The following GAREM1 variants were observed in gnomAD, a reference collection of about 807,000 sequenced individuals.
GAREM1 encodes GRB2 associated regulator of MAPK1 subtype 1.
A neutral mutation model predicts 71.3 loss-of-function variants in GAREM1; 26 were observed. The observed-to-expected ratio is 0.36, with a 90% CI of 0.27 to 0.51. The LOEUF (loss-of-function observed/expected upper bound fraction) is 0.51. Ranked by LOEUF, GAREM1 falls within the 20% of genes least tolerant of loss-of-function variation. The pLI, the probability that GAREM1 is intolerant of heterozygous loss-of-function variation, is 0.95. For synonymous variants in GAREM1, 440 were observed against 433.2 expected (o/e 1.02, Z -0.20); for missense variants, 1,026 against 1,103.1 (o/e 0.93, Z 0.99).
At chr18:32,296,844 G>A (rs2047146010) in intron 3 of GAREM1, among the ~76,000 whole-genome samples, 1 of 151,566 alleles carries the variant, frequency 6.6e-6, no homozygotes, top group Non-Finnish European at 1.5e-5. Flanking sequence ...TCTGGGTCCT[G>A]GTTTCAGTTA....
chr18:32,333,593 G>A (rs2047557981), intron 2 of GAREM1, among the ~76,000 whole-genome samples: 2 of 152,168 alleles, frequency 1.3e-5, no homozygotes, highest in Non-Finnish European at 2.9e-5. Context: ...TCCTGAGCCA[G>A]TATACAAACT....
At position 32,303,189 on chromosome 18, in the gene GAREM1, G is replaced by C. The variant is rs142414095; in HGVS notation, c.393+7004C>G. Among the ~76,000 whole-genome samples, 30 of 152,310 alleles carry C rather than the reference G, an allele frequency of 2.0e-4. No homozygotes were observed. In the Middle Eastern group the frequency reaches 0.01, roughly 52 times the overall value. On this transcript the variant is annotated intron_variant, in intron 3 of 5. Coordinates refer to ENST00000269209, the MANE Select transcript of GAREM1 (RefSeq NM_001242409.2). ...CTGAAAGTATGGATCTCACTAACTA[G>C]TTGGAGCTAAAATAGTAACATTATA...
chr18:32,467,938 A>G (rs1226808575), intron 1 of GAREM1, among the ~76,000 whole-genome samples: 2 of 152,198 alleles, frequency 1.3e-5, no homozygotes, highest in Non-Finnish European at 1.5e-5. Flanking sequence ...ACATGCAAAG[A>G]ATCTATGATT....
At chr18:32,336,998 T>C (rs1279614212) in intron 2 of GAREM1, among the ~76,000 whole-genome samples, 1 of 152,232 alleles carries the variant, frequency 6.6e-6, no homozygotes, top group Non-Finnish European at 1.5e-5. Flanking sequence ...CTATACAGTC[T>C]AGGGGTCCTT....
At chr18:32,428,020 A>G (rs923246143) in intron 1 of GAREM1, among the ~76,000 whole-genome samples, 6 of 152,190 alleles carry the variant, frequency 3.9e-5, no homozygotes, top group African/African-American at 1.4e-4. Context: ...GTGGTAGATT[A>G]TGTAAGAGGA....
Position 32,267,777 on chromosome 18 carries a change from T to G in GAREM1, c.*94A>C, listed in dbSNP as rs2041394141. 1.0e-6 allele frequency: 1 copy of G among 1,001,978 alleles called. No individual in the cohort carries two copies. Among genetic ancestry groups the G allele is most frequent in the Admixed American group, 2.7e-5 (1 of 37,660 alleles). The allele number at this position is 1,001,978 out of a possible 1,614,324, so 62.1% of individuals were successfully genotyped here. A position where few individuals can be genotyped will look rare whatever the true frequency, so the allele number is the denominator to read the frequency against. ...CTCTTATCCCTATTTACAGAGAAGGTTTTTAGTGCAAAAACATGAAATTGT... is the reference window on the plus strand; with the variant it reads ...CTCTTATCCCTATTTACAGAGAAGGGTTTTAGTGCAAAAACATGAAATTGT... On this transcript the variant is annotated 3_prime_UTR_variant, in exon 6 of 6. Coordinates refer to ENST00000269209, the MANE Select transcript of GAREM1 (RefSeq NM_001242409.2).
intron 2 of GAREM1, among the ~76,000 whole-genome samples, chr18:32,332,409 C>T (rs1040808507): frequency 3.3e-5 from 5 of 151,848 alleles, no homozygotes; most frequent in African/African-American, 1.2e-4. Context: ...TGGAGATATA[C>T]ACTTTCTACA....
At chr18:32,412,328 G>C in intron 1 of GAREM1, 1 of 1,594,196 alleles carries the variant, frequency 6.3e-7, no homozygotes, top group Admixed American at 1.7e-5. Flanking sequence ...CAGAGTTTCT[G>C]CCTCCAAAAT....
chr18:32,300,906 CAAAAAAAAAA>C (rs764891353), intron 3 of GAREM1, among the ~76,000 whole-genome samples: 2 of 83,342 alleles, frequency 2.4e-5, no homozygotes, highest in South Asian at 4.8e-4. Context: ...AACTCCGTCT[CAAAAAAAAAA>C]AAAAAAAAAA....
chr18:32,435,311 T>C (rs1213555426), intron 1 of GAREM1, among the ~76,000 whole-genome samples: 4 of 152,138 alleles, frequency 2.6e-5, no homozygotes, highest in East Asian at 3.8e-4. Flanking sequence ...GTCAACAGTT[T>C]ACTTAGTACT....
intron 1 of GAREM1, among the ~76,000 whole-genome samples, chr18:32,448,715 C>T (rs1380463734): frequency 6.6e-6 from 1 of 152,206 alleles, no homozygotes. Flanking sequence ...GGGAACAAGT[C>T]TTTTACAAAC....
chr18:32,389,163 G>C (rs1022971436), intron 2 of GAREM1, among the ~76,000 whole-genome samples: 42 of 152,108 alleles, frequency 2.8e-4, no homozygotes, highest in African/African-American at 9.4e-4. Context: ...CTATACTACT[G>C]CAACTTCAAA....
chr18:32,448,872 T>C (rs962702047), intron 1 of GAREM1, among the ~76,000 whole-genome samples: 3 of 152,180 alleles, frequency 2.0e-5, no homozygotes, highest in Admixed American at 6.5e-5. Flanking sequence ...CAAGGTCCAG[T>C]TGAATTCTGC....
At chr18:32,284,732 T>C (rs998684663) in intron 4 of GAREM1, among the ~76,000 whole-genome samples, 1 of 151,726 alleles carries the variant, frequency 6.6e-6, no homozygotes, top group African/African-American at 2.4e-5. Context: ...GGAGTACTTG[T>C]TTGGAGGGGT....
intron 2 of GAREM1, among the ~76,000 whole-genome samples, chr18:32,374,712 G>C (rs2048016228): frequency 6.6e-6 from 1 of 152,172 alleles, no homozygotes; most frequent in African/African-American, 2.4e-5. Flanking sequence ...TGGGAAATAA[G>C]ACATATAGTA....
rs1326652164 is a variant in GAREM1, at chr18:32,341,329, T to C, written c.263-31006A>G. On this transcript the variant is annotated intron_variant, in intron 2 of 5. Coordinates refer to ENST00000269209, the MANE Select transcript of GAREM1 (RefSeq NM_001242409.2). ...GAACTCATCCTTTTTTCTGGCTGCATAGTATTCCACGGTGTATATGTGCCA... is the reference window on the plus strand; with the variant it reads ...GAACTCATCCTTTTTTCTGGCTGCACAGTATTCCACGGTGTATATGTGCCA... Among the ~76,000 whole-genome samples, 5 of 152,214 alleles carry C rather than the reference T, an allele frequency of 3.3e-5. No homozygotes were observed. In the East Asian group the frequency reaches 5.8e-4, roughly 18 times the overall value.
intron 2 of GAREM1, among the ~76,000 whole-genome samples, chr18:32,378,019 TG>T (rs2048051263): frequency 7.3e-6 from 1 of 137,908 alleles, no homozygotes; most frequent in Non-Finnish European, 1.6e-5. Context: ...TAACTGTGTG[TG>T]TGTGTGTGTG....
At chr18:32,280,399 G>A (rs530560051) in intron 4 of GAREM1, among the ~76,000 whole-genome samples, 1 of 152,146 alleles carries the variant, frequency 6.6e-6, no homozygotes, top group Non-Finnish European at 1.5e-5. Context: ...GGCCAAGCCC[G>A]AGGAAGGGAG....
intron 2 of GAREM1, among the ~76,000 whole-genome samples, chr18:32,359,778 T>C (rs2047846057): frequency 6.6e-6 from 1 of 152,054 alleles, no homozygotes; most frequent in South Asian, 2.1e-4. Flanking sequence ...TTTAAAAAAT[T>C]AGCTGGATGT....
Sources: gnomAD v4.1 joint callset for allele counts (sites outside exome capture counted in the v4.1 genomes callset) on GRCh38, gnomAD v4.1.1 for gene constraint, MANE v1.5 for transcripts, NCBI Gene and HGNC (gene_info 2026-07-23, HGNC 2026-07-21) for gene names.